Variants in ZZZ3 observed in about 807,000 individuals in gnomAD.
The protein encoded by ZZZ3 is zinc finger ZZ-type containing 3.
ZZZ3 carries 22 observed loss-of-function variants against 95.2 expected under a neutral mutation model. The observed-to-expected ratio is 0.23, with a 90% confidence interval of 0.17 to 0.33. The LOEUF (loss-of-function observed/expected upper bound fraction) is 0.33, where lower values mean the gene tolerates loss of function less well. ZZZ3 is among the 10% of genes least tolerant of loss of function. ZZZ3 has a pLI of 1.00. For missense variants in ZZZ3, 885 were observed against 1,066.5 expected (o/e 0.83, Z 2.37); for synonymous variants, 335 against 358.9 (o/e 0.93, Z 0.75).
At chr1:77,581,098 G>A (rs1439359525) in intron 8 of ZZZ3, 29 bp from the exon 9 acceptor site, 3 of 1,588,624 alleles carry the variant, frequency 1.9e-6, no homozygotes, top group Admixed American at 1.7e-5. Context: ...TTTTGTCAGA[G>A]AGAAAATAAC....
At chr1:77,654,386 TA>T (rs1331344232) in intron 1 of ZZZ3, among the ~76,000 whole-genome samples, 1 of 152,156 alleles carries the variant, frequency 6.6e-6, no homozygotes, top group Non-Finnish European at 1.5e-5. Context: ...AGGCCAGGAT[TA>T]GTCTGATTTC....
chr1:77,622,197 C>T (rs912381696), intron 5 of ZZZ3, among the ~76,000 whole-genome samples: 1 of 150,246 alleles, frequency 6.7e-6, no homozygotes, highest in Non-Finnish European at 1.5e-5. Flanking sequence ...GTCCCAGCTA[C>T]TCAGGCAGCT....
At chr1:77,579,468 T>A in intron 10 of ZZZ3, 59 bp downstream of exon 10, 1 of 1,245,432 alleles carries the variant, frequency 8.0e-7, no homozygotes, top group Non-Finnish European at 1.2e-6. Flanking sequence ...TGCATTATTC[T>A]CCTTTATTAA....
chr1:77,644,934 G>C (rs567527319), intron 1 of ZZZ3, among the ~76,000 whole-genome samples: 1 of 152,266 alleles, frequency 6.6e-6, no homozygotes, highest in African/African-American at 2.4e-5. Flanking sequence ...TAAAACTTTA[G>C]TGTTCGGGCT....
intron 1 of ZZZ3, among the ~76,000 whole-genome samples, chr1:77,676,192 G>C (rs1370460306): frequency 6.6e-6 from 1 of 152,070 alleles, no homozygotes; most frequent in Non-Finnish European, 1.5e-5. Flanking sequence ...TTTTGACAAG[G>C]GTCTCACTGT....
At chr1:77,646,879 G>A (rs1447072488) in intron 1 of ZZZ3, among the ~76,000 whole-genome samples, 1 of 152,180 alleles carries the variant, frequency 6.6e-6, no homozygotes, top group Non-Finnish European at 1.5e-5. Context: ...GAAGTGAGGA[G>A]TTTAGGGGAG....
chr1:77,665,412 G>A (rs2101032100), intron 1 of ZZZ3, among the ~76,000 whole-genome samples: 1 of 152,278 alleles, frequency 6.6e-6, no homozygotes, highest in East Asian at 1.9e-4. Context: ...CAGCAAAACT[G>A]TTCCCGAAGG....
intron 12 of ZZZ3, 86 bp from the exon 13 acceptor site, chr1:77,568,552 T>C: frequency 1.4e-6 from 1 of 709,440 alleles, no homozygotes; most frequent in South Asian, 2.6e-5. Context: ...AATATTTTTC[T>C]ACTGATATTT....
chr1:77,620,670 G>A (rs1384696337), intron 5 of ZZZ3, among the ~76,000 whole-genome samples: 1 of 152,186 alleles, frequency 6.6e-6, no homozygotes, highest in East Asian at 1.9e-4. Context: ...TATTCAATGT[G>A]AGTATGAAAG....
chr1:77,584,773 G>A (rs1408263930), intron 5 of ZZZ3, 118 bp from the exon 6 acceptor site: 1 of 701,884 alleles, frequency 1.4e-6, no homozygotes, highest in East Asian at 3.0e-5. Context: ...TTACCTGAAA[G>A]AGTTTAGTAA....
chr1:77,614,355 A>G (rs991558272), intron 5 of ZZZ3, among the ~76,000 whole-genome samples: 1 of 152,182 alleles, frequency 6.6e-6, no homozygotes. Context: ...TCATCTCACA[A>G]TTGAAAAAAT....
At chr1:77,584,359 G>A (rs910980677) in intron 6 of ZZZ3, among the ~76,000 whole-genome samples, 158 bp downstream of exon 6, 1 of 152,150 alleles carries the variant, frequency 6.6e-6, no homozygotes, top group Non-Finnish European at 1.5e-5. Context: ...GGTGGAGGTG[G>A]AAGAAGTTGG....
Position 77,622,730 on chromosome 1 carries a change from T to C in ZZZ3, c.1505+9120A>G, listed in dbSNP as rs572084204. ...GAACTTTATCTCACCAGTAACCTAA[T>C]TTTTATTTCTGTTCCAACCTCAGCA... On this transcript the variant is annotated intron_variant, in intron 5 of 14. Coordinates refer to ENST00000370801, the MANE Select transcript of ZZZ3 (RefSeq NM_015534.6). Among the ~76,000 whole-genome samples the C allele has an allele frequency of 2.0e-5, 3 of 152,288 alleles. No homozygotes were observed. In the South Asian group the frequency reaches 6.2e-4, roughly 32 times the overall value.
At chr1:77,591,887 T>A (rs1292215875) in intron 5 of ZZZ3, among the ~76,000 whole-genome samples, 1 of 152,106 alleles carries the variant, frequency 6.6e-6, no homozygotes, top group Non-Finnish European at 1.5e-5. Flanking sequence ...AAGAATAAAC[T>A]GACAGGGGCA....
intron 5 of ZZZ3, among the ~76,000 whole-genome samples, chr1:77,587,515 C>A (rs1465185112): frequency 6.6e-6 from 1 of 152,146 alleles, no homozygotes; most frequent in Non-Finnish European, 1.5e-5. Context: ...CCGCCCGCCT[C>A]GGCCTCCCAA....
At chr1:77,663,000 G>A (rs1267491949) in intron 1 of ZZZ3, among the ~76,000 whole-genome samples, 2 of 152,008 alleles carry the variant, frequency 1.3e-5, no homozygotes, top group Non-Finnish European at 2.9e-5. Flanking sequence ...ACCTATTCGG[G>A]AGGCTGACGT....
chr1:77,657,306 T>A (rs549395547), intron 1 of ZZZ3, among the ~76,000 whole-genome samples: 1 of 152,330 alleles, frequency 6.6e-6, no homozygotes, highest in East Asian at 1.9e-4. Flanking sequence ...TATTGCTGAT[T>A]CATAAACACG....
At chr1:77,658,276 C>T (rs533126408) in intron 1 of ZZZ3, among the ~76,000 whole-genome samples, 12 of 151,424 alleles carry the variant, frequency 7.9e-5, no homozygotes, top group African/African-American at 2.9e-4. Flanking sequence ...ACACAACACA[C>T]ACTTAATTTG....
At chr1:77,585,855 A>G (rs1007062987) in intron 5 of ZZZ3, among the ~76,000 whole-genome samples, 2 of 152,344 alleles carry the variant, frequency 1.3e-5, no homozygotes, top group Admixed American at 1.3e-4. Flanking sequence ...TCTCTATCAG[A>G]ATACTTTTCA....
Sources: allele counts gnomAD v4.1 joint callset (sites outside exome capture counted in the v4.1 genomes callset), GRCh38; gene constraint gnomAD v4.1.1; transcripts MANE v1.5; gene names NCBI Gene and HGNC (gene_info 2026-07-23, HGNC 2026-07-21).